Variants in CRHR1 observed in about 807,000 individuals in gnomAD.
The protein encoded by CRHR1 is corticotropin-releasing hormone receptor 1.
Under a neutral mutation model 56.0 loss-of-function variants are expected in CRHR1, and 28 were observed. The ratio of observed to expected loss-of-function variants is 0.50; its 90% CI spans 0.37 to 0.69. The LOEUF is 0.69. Ranked by LOEUF, CRHR1 falls within the 30% of genes least tolerant of loss-of-function variation. The pLI, the probability that CRHR1 is intolerant of heterozygous loss-of-function variation, is 0.00. For synonymous variants in CRHR1, 195 were observed against 216.5 expected (o/e 0.90, Z 0.87); for missense variants, 376 against 548.0 (o/e 0.69, Z 3.13).
chr17:45,834,890 C>A lies in CRHR1; in HGVS notation c.*126C>A. 1 of 1,319,338 alleles carries A rather than the reference C, an allele frequency of 7.6e-7. No homozygotes were observed. Among genetic ancestry groups the A allele is most frequent in the Non-Finnish European group, 1.0e-6 (1 of 960,516 alleles). The allele number at this position is 1,319,338 out of a possible 1,614,324, so 81.7% of individuals were successfully genotyped here. The stretch of plus-strand genomic sequence containing the variant: ...TGCCCACTCCCCCAGGAGCAGCTGG[C>A]ACTGACAGCCTGGGGGGGCCGCTCT... On this transcript the variant is annotated 3_prime_UTR_variant, in exon 13 of 13. Transcript: ENST00000314537.
intron 3 of CRHR1, 66 bp downstream of exon 3, chr17:45,816,648 T>C (rs2061935153): frequency 6.2e-7 from 1 of 1,603,844 alleles, no homozygotes; most frequent in South Asian, 1.1e-5. Context: ...AGCTTGGAGG[T>C]GGGGGAAGGA....
intron 4 of CRHR1, chr17:45,825,533 A>C (rs1420151541): frequency 6.5e-6 from 1 of 154,650 alleles, no homozygotes; most frequent in Non-Finnish European, 1.5e-5. Context: ...GTGGTGGGAC[A>C]TGAAACGGAT....
intron 1 of CRHR1, among the ~76,000 whole-genome samples, chr17:45,790,025 A>G (rs1477528766): frequency 1.3e-5 from 2 of 152,208 alleles, no homozygotes; most frequent in Non-Finnish European, 2.9e-5. Context: ...AAGAAAGGCC[A>G]TCAAAAGGAG....
intron 2 of CRHR1, among the ~76,000 whole-genome samples, chr17:45,816,220 C>T (rs2061924182): frequency 6.6e-6 from 1 of 152,232 alleles, no homozygotes. Flanking sequence ...ATCTCTCTTC[C>T]TCCTCTGCTC....
chr17:45,805,099 C>T (rs1003538736), intron 1 of CRHR1, among the ~76,000 whole-genome samples: 2 of 152,024 alleles, frequency 1.3e-5, no homozygotes, highest in African/African-American at 2.4e-5. Flanking sequence ...CCACTGCACC[C>T]GGCCATGATA....
chr17:45,834,835 C>G lies in CRHR1; in HGVS notation c.*71C>G. On this transcript the variant is annotated 3_prime_UTR_variant, in exon 13 of 13. Transcript: ENST00000314537. ...ATGACGGCCAGGCTCCCTGACCACC[C>G]TGCCTGTGGAGGTGACCTGTTAGGT... 6.3e-7 allele frequency: 1 copy of G among 1,598,674 alleles called. No homozygotes were observed. The highest frequency in any genetic ancestry group is 8.5e-7 in the Non-Finnish European group (1 of 1,171,928).
Position 45,784,631 on chromosome 17 carries a change from C to T in CRHR1, c.33+54C>T, listed in dbSNP as rs1436396943. On this transcript the variant is annotated intron_variant, in intron 1 of 12. Coordinates refer to ENST00000314537, the MANE Select transcript of CRHR1 (RefSeq NM_004382.5). This position sits in a 1 kb window ranked among gnomAD's most constrained non-coding sequence, Gnocchi z 4.2. ...GCTGGCGCCCCCGGCCCCTGGCGGACGCGGGACGGGGCTGGGCTGTGGGTG... is the reference window on the plus strand; with the variant it reads ...GCTGGCGCCCCCGGCCCCTGGCGGATGCGGGACGGGGCTGGGCTGTGGGTG... 1.3e-6 allele frequency: 2 copies of T among 1,519,290 alleles called. No homozygotes were observed. The highest frequency in any genetic ancestry group is 2.6e-5 in the East Asian group (1 of 38,120). 94.1% of individuals were successfully genotyped at this position (1,519,290 alleles called of 1,614,324 possible).
chr17:45,805,701 G>A (rs935387640), intron 1 of CRHR1, among the ~76,000 whole-genome samples: 2 of 152,140 alleles, frequency 1.3e-5, no homozygotes, highest in African/African-American at 4.8e-5. Context: ...AACTCTGCTG[G>A]TGGCCGGGCA....
In CRHR1 at chr17:45,784,511, G is replaced by C. The variant is rs1490078160; in HGVS notation, c.-34G>C. On this transcript the variant is annotated 5_prime_UTR_variant, in exon 1 of 13. Transcript: ENST00000314537. This position sits in a 1 kb window ranked among gnomAD's most constrained non-coding sequence, Gnocchi z 4.2. Reference sequence around the variant, plus strand: ...TCCCTCTGGGATGTCCGTAGGACCCGGGCATTCAGGACGGTAGCCGAGCGA... The same window carrying C: ...TCCCTCTGGGATGTCCGTAGGACCCCGGCATTCAGGACGGTAGCCGAGCGA... The C allele has an allele frequency of 6.5e-7, 1 of 1,532,816 alleles. No individual in the cohort carries two copies. Among genetic ancestry groups the C allele is most frequent in the Admixed American group, 2.0e-5 (1 of 50,484 alleles). 95.0% of individuals were successfully genotyped at this position (1,532,816 alleles called of 1,614,324 possible). A position where few individuals can be genotyped will look rare whatever the true frequency, so the allele number is the denominator to read the frequency against.
chr17:45,833,693 T>TGGGGGGGGGGGGGCGCC, intron 10 of CRHR1, 21 bp from the exon 11 acceptor site: 1 of 1,571,616 alleles, frequency 6.4e-7, no homozygotes, highest in Non-Finnish European at 8.7e-7. Flanking sequence ...ACTCCGAGCC[T>TGGGGGGGGGGGGGCGCC]CCCCACCCGC....
intron 4 of CRHR1, chr17:45,825,539 C>T (rs540874623): frequency 2.1e-3 from 329 of 154,774 alleles, no homozygotes; most frequent in Non-Finnish European, 3.9e-3. Context: ...GGACATGAAA[C>T]GGATTCTGGG....
intron 1 of CRHR1, among the ~76,000 whole-genome samples, chr17:45,801,464 G>A (rs1000658366): frequency 2.0e-5 from 3 of 152,050 alleles, no homozygotes; most frequent in African/African-American, 4.8e-5. Flanking sequence ...ATCCTTTTAC[G>A]CGATGCTATA....
chr17:45,787,962 A>G (rs1202782605), intron 1 of CRHR1, among the ~76,000 whole-genome samples: 1 of 152,244 alleles, frequency 6.6e-6, no homozygotes. Flanking sequence ...TGGATTTGAA[A>G]TGACCAGCCA....
At chr17:45,807,195 C>A in intron 2 of CRHR1, 98 bp downstream of exon 2, 1 of 1,087,102 alleles carries the variant, frequency 9.2e-7, no homozygotes. Flanking sequence ...TGCCCTAAGG[C>A]AGGATTTGCA....
intron 8 of CRHR1, 49 bp downstream of exon 8, chr17:45,830,989 C>G (rs1292744357): frequency 6.3e-7 from 1 of 1,585,192 alleles, no homozygotes; most frequent in African/African-American, 1.3e-5. Context: ...GGCTCCCAGC[C>G]CAGCTTGGTG....
At chr17:45,798,636 C>A (rs2061564949) in intron 1 of CRHR1, among the ~76,000 whole-genome samples, 1 of 151,352 alleles carries the variant, frequency 6.6e-6, no homozygotes, top group Admixed American at 6.6e-5. Flanking sequence ...GACTCTGGAG[C>A]TGGGGTCTCA....
At position 45,833,693 on chromosome 17, in the gene CRHR1, TCCCCACCCG is replaced by T; in HGVS notation, c.930-12_930-4del. On this transcript the variant is annotated splice_polypyrimidine_tract_variant and intron_variant, in intron 10 of 12. Transcript: ENST00000314537. ...CTGGGGTGGGCTGTGACTCCGAGCC[TCCCCACCCG>T]CCCCACCCCAGGAAGGCTGTGAAAG... The T allele has an allele frequency of 3.2e-6, 5 of 1,571,168 alleles. No homozygotes were observed. The highest frequency in any genetic ancestry group is 2.3e-5 in the East Asian group (1 of 44,230).
intron 1 of CRHR1, among the ~76,000 whole-genome samples, chr17:45,798,763 C>T (rs2061567659): frequency 6.6e-6 from 1 of 152,114 alleles, no homozygotes; most frequent in South Asian, 2.1e-4. Flanking sequence ...CGGGGGCACC[C>T]TGAGCCGGGG....
At chr17:45,821,865 A>G (rs558365055) in intron 4 of CRHR1, among the ~76,000 whole-genome samples, 2 of 152,340 alleles carry the variant, frequency 1.3e-5, no homozygotes, top group South Asian at 4.1e-4. Flanking sequence ...GGATGGAGGT[A>G]GCAATGCAGT....
Sources: gnomAD v4.1 joint callset for allele counts (sites outside exome capture counted in the v4.1 genomes callset) on GRCh38, gnomAD v4.1.1 for gene constraint, Gnocchi (gnomAD v3.1) non-coding constraint, MANE v1.5 for transcripts, NCBI Gene and HGNC (gene_info 2026-07-23, HGNC 2026-07-21) for gene names.